The following SLC39A8 variants were observed in gnomAD, a reference collection of about 807,000 sequenced individuals.
The protein encoded by SLC39A8 is metal cation symporter ZIP8.
In SLC39A8, 15 loss-of-function variants were observed where a neutral mutation model predicts 40.4. The observed-to-expected ratio is 0.37, with a 90% confidence interval of 0.25 to 0.57. The LOEUF is 0.57. Among genes scored for constraint, SLC39A8 ranks in the 20% least tolerant of loss-of-function variants. The pLI is 0.75. For synonymous variants in SLC39A8, 223 were observed against 221.6 expected, an observed-to-expected ratio of 1.01 and a Z score of -0.06; for missense variants, 472 against 558.8, an observed-to-expected ratio of 0.84 and a Z score of 1.57.
At chr4:102,305,354 TAC>T (rs1230792605) in intron 4 of SLC39A8, among the ~76,000 whole-genome samples, 3 of 151,934 alleles carry the variant, frequency 2.0e-5, no homozygotes, top group Non-Finnish European at 1.5e-5. Context: ...CAGAGAATCT[TAC>T]AGTTTCCCAC....
Position 102,263,168 on chromosome 4 carries a change from C to G in SLC39A8, c.1259G>C (p.Arg420Thr), listed in dbSNP as rs1475863942. 1.3e-5 allele frequency: 21 copies of G among 1,613,470 alleles called. No homozygotes were observed. Among genetic ancestry groups the G allele is most frequent in the Non-Finnish European group, 1.8e-5 (21 of 1,179,672 alleles). The change falls in exon 9 of 9, where the codon AGA becomes ACA. Residue 420 changes from arginine to threonine, a missense_variant. Transcript: ENST00000356736. ...GGTTTTTCTTCCAGTTACCTTTTCT[C>G]TCAGCATATCATTCATCTCTGGAAA... ...DMFPEMNDML[R>T]EKVTGRKTDF...
chr4:102,298,512 ATTG>A (rs1056566502), intron 6 of SLC39A8, among the ~76,000 whole-genome samples: 57 of 152,016 alleles, frequency 3.7e-4, no homozygotes, highest in African/African-American at 1.4e-3. Context: ...ATTTTAATTA[ATTG>A]TTATTATAGG....
chr4:102,271,862 C>T (rs1732378247), intron 6 of SLC39A8, among the ~76,000 whole-genome samples: 1 of 152,150 alleles, frequency 6.6e-6, no homozygotes, highest in Non-Finnish European at 1.5e-5. Context: ...ACATCACCTG[C>T]ACCCTCTAGT....
At chr4:102,314,860 C>T (rs1180688987) in intron 3 of SLC39A8, among the ~76,000 whole-genome samples, 2 of 152,180 alleles carry the variant, frequency 1.3e-5, no homozygotes, top group Non-Finnish European at 1.5e-5. Flanking sequence ...TTCTCCACTA[C>T]ACTGTAAGCC....
chr4:102,269,709 T>C (rs568918562), intron 6 of SLC39A8: 1 of 152,304 alleles, frequency 6.6e-6, no homozygotes, highest in Non-Finnish European at 1.5e-5. Context: ...TACACACATA[T>C]CGGGGATGGG....
At chr4:102,301,907 A>G (rs1351542599) in intron 6 of SLC39A8, among the ~76,000 whole-genome samples, 1 of 152,062 alleles carries the variant, frequency 6.6e-6, no homozygotes, top group East Asian at 1.9e-4. Flanking sequence ...CTAAATATAA[A>G]TATGCCTATC....
At chr4:102,273,555 G>T (rs1299224193) in intron 6 of SLC39A8, among the ~76,000 whole-genome samples, 1 of 152,218 alleles carries the variant, frequency 6.6e-6, no homozygotes, top group Non-Finnish European at 1.5e-5. Context: ...TGCCAGCTCT[G>T]AAAAGAGCAG....
intron 6 of SLC39A8, among the ~76,000 whole-genome samples, chr4:102,281,633 T>TG (rs1223403414): frequency 1.3e-5 from 2 of 150,322 alleles, no homozygotes; most frequent in African/African-American, 4.9e-5. Context: ...TAGGACCAAG[T>TG]GGGGGTGATA....
intron 2 of SLC39A8, among the ~76,000 whole-genome samples, chr4:102,343,450 A>G (rs1736026687): frequency 1.3e-5 from 2 of 152,222 alleles, no homozygotes; most frequent in South Asian, 4.1e-4. Context: ...GTAACAAACT[A>G]ACATCGTCCA....
chr4:102,283,690 G>A (rs995820827), intron 6 of SLC39A8, among the ~76,000 whole-genome samples: 1 of 152,124 alleles, frequency 6.6e-6, no homozygotes, highest in African/African-American at 2.4e-5. Flanking sequence ...TGACTGACCC[G>A]TTCTTAGTTT....
intron 6 of SLC39A8, among the ~76,000 whole-genome samples, chr4:102,288,375 C>G (rs1440378335): frequency 1.3e-5 from 2 of 152,022 alleles, no homozygotes; most frequent in East Asian, 3.9e-4. Context: ...ACCAGCCATT[C>G]CCCCAATTTC....
chr4:102,310,035 T>C (rs1349930771), intron 3 of SLC39A8, among the ~76,000 whole-genome samples: 2 of 152,012 alleles, frequency 1.3e-5, no homozygotes, highest in Admixed American at 6.6e-5. Flanking sequence ...AAAGTGATCA[T>C]CTCATGCCCC....
intron 2 of SLC39A8, chr4:102,324,310 G>T (rs111337374): frequency 3.7e-6 from 1 of 272,064 alleles, no homozygotes; most frequent in Admixed American, 4.3e-5. Flanking sequence ...CAGGAGAATC[G>T]CTTGAACCCA....
rs73834753 is a variant in SLC39A8 at position 102,318,564 on chromosome 4, C to A, written c.220-2734G>T. 2.1e-3 allele frequency among the ~76,000 whole-genome samples: 315 copies of A among 152,248 alleles called. No homozygotes were observed. The Middle Eastern group carries it at 0.027, about 13-fold the overall frequency. ...ACCAGAAACAAAAGAAAGCAGTTGT[C>A]TTAGAAAGGGTGGTGCCTCCCAGAG... On this transcript the variant is annotated intron_variant, in intron 2 of 8. Transcript: ENST00000356736.
At chr4:102,343,233 T>A (rs1220508176) in intron 2 of SLC39A8, among the ~76,000 whole-genome samples, 4 of 152,204 alleles carry the variant, frequency 2.6e-5, no homozygotes, top group Non-Finnish European at 1.5e-5. Context: ...AAAGTTCTAC[T>A]TTTCTTAAGA....
At position 102,309,301 on chromosome 4, in the gene SLC39A8, A is replaced by G. The variant is rs147316864; in HGVS notation, c.383-1696T>C. ...GTGCTAAGTACCAAATGAAAAGGTC[A>G]GATTATAAATGGTACTATGTAACCC... On this transcript the variant is annotated intron_variant, in intron 3 of 8. Coordinates refer to ENST00000356736, the MANE Select transcript of SLC39A8 (RefSeq NM_001135146.2). Among the ~76,000 whole-genome samples, 4 of 152,192 alleles carry G rather than the reference A, an allele frequency of 2.6e-5. 1 individual carries two copies. The highest frequency in any genetic ancestry group is 6.8e-3 in the Middle Eastern group (2 of 294).
downstream of SLC39A8, chr4:102,261,525 G>A (rs1339634928): frequency 4.2e-6 from 1 of 236,230 alleles, no homozygotes; most frequent in Non-Finnish European, 6.9e-6. Context: ...CTAAGCAACT[G>A]GTATAGAAAT....
At chr4:102,266,223 G>A (rs1485209473) in intron 8 of SLC39A8, among the ~76,000 whole-genome samples, 1 of 152,140 alleles carries the variant, frequency 6.6e-6, no homozygotes, top group Non-Finnish European at 1.5e-5. Flanking sequence ...ACTCCAGGAT[G>A]AGTATTATTT....
At chr4:102,265,688 G>T (rs1211752604) in intron 8 of SLC39A8, among the ~76,000 whole-genome samples, 1 of 152,130 alleles carries the variant, frequency 6.6e-6, no homozygotes, top group Non-Finnish European at 1.5e-5. Context: ...CATTTACTTT[G>T]GATGTTTAAA....
Sources: allele counts gnomAD v4.1 joint callset (sites outside exome capture counted in the v4.1 genomes callset), GRCh38; gene constraint gnomAD v4.1.1; transcripts MANE v1.5; gene names NCBI Gene and HGNC (gene_info 2026-07-23, HGNC 2026-07-21).